The following CADM2 variants were observed in gnomAD, a reference collection of about 807,000 sequenced individuals.
CADM2 encodes the protein cell adhesion molecule 2.
Under a neutral mutation model 49.8 loss-of-function variants are expected in CADM2, and 12 were observed. That is an observed-to-expected ratio of 0.24 (90% CI 0.15 to 0.39). The LOEUF is 0.39. Ranked by LOEUF, CADM2 falls within the 10% of genes least tolerant of loss-of-function variation. The pLI is 1.00. For missense variants in CADM2, 378 were observed against 492.3 expected (o/e 0.77, Z 2.20); for synonymous variants, 214 against 175.4 (o/e 1.22, Z -1.74).
At chr3:86,043,084 A>C (rs1736169938) in intron 8 of CADM2, among the ~76,000 whole-genome samples, 1 of 152,226 alleles carries the variant, frequency 6.6e-6, no homozygotes, top group Admixed American at 6.5e-5. Context: ...GTATCTCAAA[A>C]TAATAAGAGC....
intron 1 of CADM2, among the ~76,000 whole-genome samples, chr3:85,170,526 A>G (rs1342754872): frequency 6.6e-6 from 1 of 151,946 alleles, no homozygotes; most frequent in Non-Finnish European, 1.5e-5. Flanking sequence ...TTTGGTAGAG[A>G]TGGGGTTCCC....
chr3:85,119,888 A>G (rs2038789602), intron 1 of CADM2, among the ~76,000 whole-genome samples: 1 of 152,192 alleles, frequency 6.6e-6, no homozygotes, highest in Non-Finnish European at 1.5e-5. Flanking sequence ...CTAGCGTCAG[A>G]GTGAACAGGC....
At chr3:85,999,054 A>G (rs1729794196) in intron 8 of CADM2, among the ~76,000 whole-genome samples, 2 of 152,218 alleles carry the variant, frequency 1.3e-5, no homozygotes, top group African/African-American at 2.4e-5. Flanking sequence ...CCATTTAAAC[A>G]TGCAGAGTTT....
At chr3:85,730,702 A>G (rs1192048526) in intron 2 of CADM2, among the ~76,000 whole-genome samples, 1 of 152,194 alleles carries the variant, frequency 6.6e-6, no homozygotes. Flanking sequence ...TCTGTTATGC[A>G]TGTATAAAAA....
chr3:85,070,939 A>T (rs1299763546), intron 1 of CADM2, among the ~76,000 whole-genome samples: 1 of 151,844 alleles, frequency 6.6e-6, no homozygotes, highest in African/African-American at 2.4e-5. Flanking sequence ...CAGTGAGCCG[A>T]GATCGCGCCA....
intron 1 of CADM2, among the ~76,000 whole-genome samples, chr3:85,136,338 T>C (rs1023929100): frequency 1.7e-5 from 1 of 58,468 alleles, no homozygotes; most frequent in Non-Finnish European, 4.9e-5. Context: ...CTGAGTAATG[T>C]GTGTGTGTGT....
At chr3:85,135,140 A>T (rs993322543) in intron 1 of CADM2, among the ~76,000 whole-genome samples, 8 of 152,042 alleles carry the variant, frequency 5.3e-5, no homozygotes, top group Non-Finnish European at 1.0e-4. Context: ...ATAATATATT[A>T]GTTGCATTTC....
At chr3:85,049,932 AC>A (rs1367000992) in intron 1 of CADM2, among the ~76,000 whole-genome samples, 1 of 152,010 alleles carries the variant, frequency 6.6e-6, no homozygotes, top group African/African-American at 2.4e-5. Flanking sequence ...TTCCCCACTT[AC>A]CTCACCATCT....
chr3:85,939,468 A>AACACACACACACACACAC (rs373804679), intron 7 of CADM2, among the ~76,000 whole-genome samples: 1,443 of 137,042 alleles, frequency 0.011, 18 homozygotes, highest in South Asian at 0.047. Context: ...AGTAAACGAA[A>AACACACACACACACACAC]ACACACACAC....
intron 8 of CADM2, chr3:85,993,096 C>A (rs141057392): frequency 6.6e-6 from 1 of 152,090 alleles, no homozygotes; most frequent in African/African-American, 2.4e-5. Context: ...CCCAGGACTT[C>A]GAGAGGCCAA....
intron 1 of CADM2, among the ~76,000 whole-genome samples, chr3:85,711,793 A>T (rs1024949078): frequency 6.6e-6 from 1 of 152,218 alleles, no homozygotes; most frequent in African/African-American, 2.4e-5. Flanking sequence ...AATTTTTAAG[A>T]TTAGGTATTT....
At chr3:85,941,287 G>A (rs1721863828) in intron 7 of CADM2, among the ~76,000 whole-genome samples, 1 of 152,090 alleles carries the variant, frequency 6.6e-6, no homozygotes, top group South Asian at 2.1e-4. Flanking sequence ...GCTAATATTA[G>A]GCTATTATGG....
At chr3:85,685,179 C>CA (rs1446010832) in intron 1 of CADM2, among the ~76,000 whole-genome samples, 7 of 152,130 alleles carry the variant, frequency 4.6e-5, no homozygotes, top group Non-Finnish European at 1.0e-4. Context: ...ACTACTGAAA[C>CA]AGAATCTGCA....
intron 1 of CADM2, among the ~76,000 whole-genome samples, chr3:85,207,681 T>G (rs2041681048): frequency 6.6e-6 from 1 of 152,170 alleles, no homozygotes; most frequent in Non-Finnish European, 1.5e-5. Context: ...GAAAACGAAA[T>G]AAAGACATTT....
intron 1 of CADM2, among the ~76,000 whole-genome samples, chr3:85,094,231 C>T (rs1052110371): frequency 6.6e-6 from 1 of 151,842 alleles, no homozygotes; most frequent in African/African-American, 2.4e-5. Context: ...TAAATAAATT[C>T]CTCCTAGGAA....
intron 1 of CADM2, among the ~76,000 whole-genome samples, chr3:85,187,949 A>G (rs1417362087): frequency 6.6e-6 from 1 of 152,042 alleles, no homozygotes. Flanking sequence ...ATAAGTCAAT[A>G]AAATTATAAT....
intron 3 of CADM2, among the ~76,000 whole-genome samples, chr3:85,806,019 A>G (rs955166877): frequency 1.3e-5 from 2 of 152,156 alleles, no homozygotes; most frequent in Admixed American, 6.6e-5. Context: ...GTATCAGAAT[A>G]TTTTAATTAT....
At chr3:85,437,690 A>C (rs1559839728) in intron 1 of CADM2, among the ~76,000 whole-genome samples, 1 of 151,990 alleles carries the variant, frequency 6.6e-6, no homozygotes, top group Non-Finnish European at 1.5e-5. Context: ...AAATATATTT[A>C]AATAAATAGG....
At chr3:85,129,579 G>A (rs760066440) in intron 1 of CADM2, among the ~76,000 whole-genome samples, 4 of 152,066 alleles carry the variant, frequency 2.6e-5, no homozygotes, top group Non-Finnish European at 5.9e-5. Context: ...ACTTCATGTG[G>A]CTTCTTCATA....
Sources: allele counts gnomAD v4.1 joint callset (sites outside exome capture counted in the v4.1 genomes callset), GRCh38; gene constraint gnomAD v4.1.1; transcripts MANE v1.5; gene names NCBI Gene and HGNC (gene_info 2026-07-23, HGNC 2026-07-21).